HEXB: variants seen among roughly 807,000 people sequenced by gnomAD.
HEXB encodes the protein hexosaminidase subunit beta, also known as beta-hexosaminidase subunit beta.
In HEXB, 51 loss-of-function variants were observed where a neutral mutation model predicts 71.2. That is an observed-to-expected ratio of 0.72 (90% CI 0.57 to 0.90). HEXB has a LOEUF of 0.90. Among genes scored for constraint, HEXB ranks in the 40% least tolerant of loss-of-function variants. The pLI is 0.00. For missense variants in HEXB, 617 were observed against 677.0 expected (o/e 0.91, Z 0.98); for synonymous variants, 266 against 249.3 (o/e 1.07, Z -0.63).
upstream of HEXB, chr5:74,685,105 G>T (rs1393715100): frequency 1.7e-5 from 13 of 779,566 alleles, no homozygotes; most frequent in African/African-American, 3.9e-5. Flanking sequence ...GGGCGAGGAC[G>T]CTCCCGGGGC....
At chr5:74,647,485 A>T (rs527485400) in intron 1 of HEXB, among the ~76,000 whole-genome samples, 3 of 152,364 alleles carry the variant, frequency 2.0e-5, no homozygotes, top group African/African-American at 7.2e-5. Context: ...TAACATTAGC[A>T]GAATGAACAA....
At chr5:74,675,281 C>T (rs760112949) in intron 1 of HEXB, among the ~76,000 whole-genome samples, 5 of 152,036 alleles carry the variant, frequency 3.3e-5, no homozygotes, top group Admixed American at 6.6e-5. Flanking sequence ...TAAATATCAA[C>T]AGTGGGGGAT....
At chr5:74,683,680 AGCAGGAGAAAGAAAG>A (rs1373657543), upstream of HEXB, among the ~76,000 whole-genome samples, 1 of 152,034 alleles carries the variant, frequency 6.6e-6, no homozygotes, top group African/African-American at 2.4e-5. Flanking sequence ...AAGAAAGGGG[AGCAGGAGAAAGAAAG>A]GCAGGAGAAG....
intron 6 of HEXB, among the ~76,000 whole-genome samples, chr5:74,706,754 G>A (rs559890232): frequency 1.4e-4 from 22 of 152,220 alleles, no homozygotes; most frequent in African/African-American, 4.3e-4. Context: ...AGGGGTGCCC[G>A]CCATTGCCCA....
chr5:74,672,957 T>A (rs1748566155), intron 1 of HEXB, among the ~76,000 whole-genome samples: 1 of 152,212 alleles, frequency 6.6e-6, no homozygotes, highest in South Asian at 2.1e-4. Context: ...TCTTGTGGCA[T>A]CAGAGCAGCC....
At chr5:74,650,456 T>G (rs1226056302) in intron 1 of HEXB, among the ~76,000 whole-genome samples, 1 of 152,142 alleles carries the variant, frequency 6.6e-6, no homozygotes, top group East Asian at 1.9e-4. Context: ...AATATTATTA[T>G]GGGGTAAAGC....
chr5:74,713,841 T>A (rs1006391124), intron 7 of HEXB, among the ~76,000 whole-genome samples: 1 of 151,834 alleles, frequency 6.6e-6, no homozygotes, highest in African/African-American at 2.4e-5. Context: ...TTTTTGTTTT[T>A]GTTTTGTTTT....
At chr5:74,711,097 A>G (rs1297043991) in intron 6 of HEXB, among the ~76,000 whole-genome samples, 1 of 151,066 alleles carries the variant, frequency 6.6e-6, no homozygotes, top group African/African-American at 2.4e-5. Flanking sequence ...ATATAGATCA[A>G]TGGAACAGAA....
At chr5:74,680,038 T>G (rs1412067957) in intron 1 of HEXB, among the ~76,000 whole-genome samples, 1 of 152,154 alleles carries the variant, frequency 6.6e-6, no homozygotes, top group East Asian at 1.9e-4. Context: ...CTTGAAGAGA[T>G]GTGTGGAAGT....
At chr5:74,651,789 C>T (rs769765280) in intron 1 of HEXB, among the ~76,000 whole-genome samples, 1 of 152,230 alleles carries the variant, frequency 6.6e-6, no homozygotes, top group Non-Finnish European at 1.5e-5. Context: ...AACAGCAAGT[C>T]ACCCAAAGGC....
chr5:74,695,911 A>G (rs969232014), intron 3 of HEXB, among the ~76,000 whole-genome samples: 1 of 152,100 alleles, frequency 6.6e-6, no homozygotes, highest in South Asian at 2.1e-4. Context: ...CAAGAAGTCC[A>G]TATTTTCTGT....
chr5:74,664,072 A>T (rs1020123218), intron 1 of HEXB, among the ~76,000 whole-genome samples: 7 of 152,074 alleles, frequency 4.6e-5, no homozygotes, highest in Non-Finnish European at 1.0e-4. Context: ...GCTGACTAAC[A>T]TGGTGAAACC....
intron 2 of HEXB, 155 bp downstream of exon 2, chr5:74,689,628 A>C (rs1273178459): frequency 1.6e-5 from 11 of 709,274 alleles, no homozygotes; most frequent in Non-Finnish European, 2.8e-5. Flanking sequence ...TGATTATAAA[A>C]GTAGTACATA....
chr5:74,670,196 T>C (rs2112100961), intron 1 of HEXB, among the ~76,000 whole-genome samples: 1 of 152,120 alleles, frequency 6.6e-6, no homozygotes, highest in Non-Finnish European at 1.5e-5. Context: ...GTTTTTTTTG[T>C]ACACTCTCAT....
At position 74,661,088 on chromosome 5, in the gene HEXB, C is replaced by A. The variant is rs188757220; in HGVS notation, c.-377+20530C>A. On this transcript the variant is annotated intron_variant, in intron 1 of 13. Transcript: ENST00000511181. ...CATTCCAGACAGCACCAGCTGGAGC[C>A]ACAGTGAGCCACATGTCTGTGGGCG... Among the ~76,000 whole-genome samples, 794 of 152,264 alleles carry A rather than the reference C, an allele frequency of 5.2e-3. 2 individuals carry two copies. Among genetic ancestry groups the A allele is most frequent in the Non-Finnish European group, 7.3e-3 (498 of 68,026 alleles).
intron 11 of HEXB, among the ~76,000 whole-genome samples, chr5:74,719,632 A>G (rs966570710): frequency 3.3e-5 from 5 of 152,190 alleles, no homozygotes; most frequent in Non-Finnish European, 5.9e-5. Context: ...CCAAAAAGCG[A>G]TAATTACTGA....
At chr5:74,700,348 G>C (rs1207783817) in intron 5 of HEXB, among the ~76,000 whole-genome samples, 2 of 151,826 alleles carry the variant, frequency 1.3e-5, no homozygotes, top group East Asian at 3.9e-4. Flanking sequence ...TCTAGAATGT[G>C]AATACCTTCT....
chr5:74,679,798 CAAAAAAAAAA>C (rs70976121), intron 1 of HEXB, among the ~76,000 whole-genome samples: 17 of 38,924 alleles, frequency 4.4e-4, no homozygotes, highest in East Asian at 2.4e-3. Flanking sequence ...GACTCCGTCT[CAAAAAAAAAA>C]AAAAAAAAAA....
chr5:74,704,700 A>G (rs1278374521), intron 5 of HEXB, among the ~76,000 whole-genome samples: 3 of 152,232 alleles, frequency 2.0e-5, no homozygotes, highest in Admixed American at 2.0e-4. Context: ...ACCGTCTAGA[A>G]TAAATACAAC....
Sources: allele counts gnomAD v4.1 joint callset (sites outside exome capture counted in the v4.1 genomes callset), GRCh38; gene constraint gnomAD v4.1.1; transcripts MANE v1.5; gene names NCBI Gene and HGNC (gene_info 2026-07-23, HGNC 2026-07-21).